NENF: variants seen among roughly 807,000 people sequenced by gnomAD.
The protein encoded by NENF is neudesin neurotrophic factor, also known as neudesin.
In NENF, 6 loss-of-function variants were observed where a neutral mutation model predicts 14.8. The observed-to-expected ratio is 0.40, with a 90% CI of 0.22 to 0.80. The LOEUF is 0.80. Among genes scored for constraint, NENF ranks in the 30% least tolerant of loss-of-function variants. The pLI is 0.34. For synonymous variants in NENF, 76 were observed against 95.1 expected (o/e 0.80, Z 1.17); for missense variants, 184 against 212.7 (o/e 0.87, Z 0.84).
At chr1:212,445,267 A>AT (rs1470591926) in intron 3 of NENF, among the ~76,000 whole-genome samples, 1 of 151,822 alleles carries the variant, frequency 6.6e-6, no homozygotes, top group Non-Finnish European at 1.5e-5. Context: ...AAAAAAAAAA[A>AT]TTTGTTTTTT....
intron 1 of NENF, among the ~76,000 whole-genome samples, chr1:212,435,361 G>A (rs1662587014): frequency 2.6e-5 from 4 of 152,028 alleles, no homozygotes; most frequent in Admixed American, 2.6e-4. Context: ...TTCTTTTAGA[G>A]GCAGGGTCTT....
At chr1:212,438,042 C>T (rs1662635706) in intron 1 of NENF, among the ~76,000 whole-genome samples, 1 of 152,120 alleles carries the variant, frequency 6.6e-6, no homozygotes, top group South Asian at 2.1e-4. Flanking sequence ...TTCTTTAGAA[C>T]TCCATTCTCC....
chr1:212,441,386 T>C (rs1242441783), intron 1 of NENF, among the ~76,000 whole-genome samples: 1 of 152,202 alleles, frequency 6.6e-6, no homozygotes, highest in Non-Finnish European at 1.5e-5. Context: ...GATAGAAACA[T>C]GTATTCATAA....
chr1:212,443,586 C>T (rs1416990447), intron 2 of NENF, among the ~76,000 whole-genome samples: 2 of 151,490 alleles, frequency 1.3e-5, no homozygotes, highest in Admixed American at 1.3e-4. Context: ...GATGGGGTTT[C>T]ACCATGTTAA....
At chr1:212,442,898 C>T (rs759701577) in intron 2 of NENF, among the ~76,000 whole-genome samples, 1 of 151,944 alleles carries the variant, frequency 6.6e-6, no homozygotes, top group African/African-American at 2.4e-5. Flanking sequence ...CCACCACCAC[C>T]GCTGGCTAAT....
chr1:212,440,589 C>T lies in NENF; in HGVS notation c.178-1976C>T, dbSNP rs1015310752. Among the ~76,000 whole-genome samples, 3 of 152,114 alleles carry T rather than the reference C, an allele frequency of 2.0e-5. No homozygotes were observed. The South Asian group carries it at 6.2e-4, about 32-fold the overall frequency. ...GCCGGTTTGGAGTAATAAAAGGCAG[C>T]CCTCTGCTGAGCTCCTGTGTCGTGC... On this transcript the variant is annotated intron_variant, in intron 1 of 3. Transcript: ENST00000366988.
chr1:212,444,249 T>TGCGGGCCTTGGGA, intron 2 of NENF, 90 bp from the exon 3 acceptor site: 1 of 730,262 alleles, frequency 1.4e-6, no homozygotes, highest in South Asian at 2.5e-5. Context: ...TAGGATTGGG[T>TGCGGGCCTTGGGA]GCGGGCCTTG....
At chr1:212,437,947 AG>A (rs1226244845) in intron 1 of NENF, among the ~76,000 whole-genome samples, 2 of 152,164 alleles carry the variant, frequency 1.3e-5, no homozygotes, top group Non-Finnish European at 2.9e-5. Flanking sequence ...TAAGCCCAGG[AG>A]TTTGAGACCA....
chr1:212,433,163 C>A lies in NENF; in HGVS notation c.177+43C>A. 9.0e-7 allele frequency: 1 copy of A among 1,109,044 alleles called. No homozygotes were observed. The highest frequency in any genetic ancestry group is 4.4e-5 in the South Asian group (1 of 22,620). The allele number at this position is 1,109,044 out of a possible 1,614,324, so 68.7% of individuals were successfully genotyped here. A position where few individuals can be genotyped will look rare whatever the true frequency, so the allele number is the denominator to read the frequency against. On this transcript the variant is annotated intron_variant, in intron 1 of 3. Transcript: ENST00000366988. The surrounding 1 kb of genome is among the most constrained non-coding windows in gnomAD (Gnocchi z 5.5). ...GGGCCGAGGGACCCGGGGTGGCGTCCGATCTGCGGCGAGCCGAGCGGGGAC... is the reference window on the plus strand; with the variant it reads ...GGGCCGAGGGACCCGGGGTGGCGTCAGATCTGCGGCGAGCCGAGCGGGGAC...
chr1:212,445,847 G>A lies in NENF; in HGVS notation c.360G>A (p.Lys120=), dbSNP rs960917090. ...TCCCCAAGACGGGTCTCACGGCCAA[G>A]GAACTGGAGGCCCTGGATGAGGTCT... ...LTHDTTGLTA[K]ELEALDEVFT... Residue 120 remains lysine (K), a synonymous_variant, in exon 4 of 4, where the codon AAG becomes AAA. Coordinates refer to ENST00000366988, the MANE Select transcript of NENF (RefSeq NM_013349.5). 13 of 1,614,100 alleles carry A rather than the reference G, an allele frequency of 8.1e-6. No homozygotes were observed. The highest frequency in any genetic ancestry group is 3.3e-4 in the Middle Eastern group (2 of 6,082).
Position 212,436,924 on chromosome 1 carries a change from C to CAA in NENF, c.177+3822_177+3823dup, listed in dbSNP as rs35648109. ...CAACATAACAAGACCTCACCTCTAC[C>CAA]AAAAAAAAAAAAAAAAAAAGAGTTC... is the stretch of plus-strand genomic sequence containing the variant. On this transcript the variant is annotated intron_variant, in intron 1 of 3. Coordinates refer to ENST00000366988, the MANE Select transcript of NENF (RefSeq NM_013349.5). Among the ~76,000 whole-genome samples the CAA allele has an allele frequency of 3.5e-3, 287 of 81,838 alleles. 2 individuals are homozygous for CAA. The highest frequency in any genetic ancestry group is 0.011 in the African/African-American group (264 of 23,798). 53.7% of individuals were successfully genotyped at this position (81,838 alleles called of 152,430 possible).
intron 1 of NENF, among the ~76,000 whole-genome samples, chr1:212,437,041 G>A (rs756929740): frequency 2.0e-5 from 3 of 152,026 alleles, no homozygotes; most frequent in Non-Finnish European, 2.9e-5. Flanking sequence ...GCTTAGCACC[G>A]TAAGTCTTAA....
At position 212,444,267 on chromosome 1, in the gene NENF, C is replaced by T. The variant is rs1662740592; in HGVS notation, c.239-72C>T. On this transcript the variant is annotated intron_variant, in intron 2 of 3. Coordinates refer to ENST00000366988, the MANE Select transcript of NENF (RefSeq NM_013349.5). ...GATTGGGTGCGGGCCTTGGGAGCGC[C>T]CCCACGTGCAAGCTCCTGGTTACTC... The T allele has an allele frequency of 3.1e-6, 3 of 983,156 alleles. No homozygotes were observed. In the Admixed American group the frequency reaches 8.2e-5, roughly 27 times the overall value. The allele number at this position is 983,156 out of a possible 1,614,324, so 60.9% of individuals were successfully genotyped here. A position where few individuals can be genotyped will look rare whatever the true frequency, so the allele number is the denominator to read the frequency against.
chr1:212,437,833 G>T (rs893746596), intron 1 of NENF, among the ~76,000 whole-genome samples: 2 of 152,108 alleles, frequency 1.3e-5, no homozygotes, highest in African/African-American at 4.8e-5. Flanking sequence ...AAAATCTTTG[G>T]TATACATTAG....
Position 212,442,628 on chromosome 1 carries a change from A to G in NENF, c.238+3A>G, listed in dbSNP as rs537315191. ...GTTTGATGTCACCTCCGGAAAGGGT[A>G]AGTGGTGTGGCATTTTGAATCTTCA... On this transcript the variant is annotated splice_donor_region_variant and intron_variant, in intron 2 of 3. Coordinates refer to ENST00000366988, the MANE Select transcript of NENF (RefSeq NM_013349.5). The G allele has an allele frequency of 4.3e-6, 7 of 1,611,442 alleles. No homozygotes were observed. The Admixed American group carries it at 8.3e-5, about 19-fold the overall frequency.
chr1:212,438,617 ATTTTT>A (rs757959823), intron 1 of NENF, among the ~76,000 whole-genome samples: 1 of 124,906 alleles, frequency 8.0e-6, no homozygotes, highest in Non-Finnish European at 1.7e-5. Context: ...GTGTGTCTGT[ATTTTT>A]TTTTTTTTTT....
intron 3 of NENF, among the ~76,000 whole-genome samples, chr1:212,445,154 T>TCAACCTCC (rs1194894633): frequency 7.3e-5 from 11 of 151,624 alleles, no homozygotes; most frequent in African/African-American, 2.7e-4. Context: ...ACTTGGGAGG[T>TCAACCTCC]TGAGGCAGGA....
chr1:212,444,514 T>G (rs1662746910), intron 3 of NENF, 72 bp downstream of exon 3: 1 of 984,552 alleles, frequency 1.0e-6, no homozygotes, highest in African/African-American at 1.8e-5. Context: ...TTTCTTTTTC[T>G]TTTCGTGTGT....
chr1:212,443,375 A>T (rs1195222297), intron 2 of NENF, among the ~76,000 whole-genome samples: 1 of 152,140 alleles, frequency 6.6e-6, no homozygotes, highest in Non-Finnish European at 1.5e-5. Flanking sequence ...TTCCACCAAC[A>T]TTTAAGAAGA....
Sources: allele counts gnomAD v4.1 joint callset (sites outside exome capture counted in the v4.1 genomes callset), GRCh38; gene constraint gnomAD v4.1.1; non-coding constraint Gnocchi (gnomAD v3.1); transcripts MANE v1.5; gene names NCBI Gene and HGNC (gene_info 2026-07-23, HGNC 2026-07-21).